DSCAM: variants seen among roughly 807,000 people sequenced by gnomAD.
DSCAM encodes DS cell adhesion molecule.
Under a neutral mutation model 217.7 loss-of-function variants are expected in DSCAM, and 47 were observed. The ratio of observed to expected loss-of-function variants is 0.22; its 90% CI spans 0.17 to 0.28. DSCAM has a LOEUF of 0.28. Ranked by LOEUF, DSCAM falls within the 10% of genes least tolerant of loss-of-function variation. The probability of loss-of-function intolerance (pLI) is 1.00; values close to 1 mark genes in which losing one functional copy is unlikely to be tolerated. For synonymous variants in DSCAM, 1,056 were observed against 1,015.3 expected (o/e 1.04, Z -0.76); for missense variants, 2,080 against 2,618.3 (o/e 0.79, Z 4.49).
chr21:40,026,190 G>A lies in DSCAM; in HGVS notation c.5687-12804C>T, dbSNP rs565484654. Among the ~76,000 whole-genome samples the A allele has an allele frequency of 2.3e-4, 33 of 141,868 alleles. 9 individuals carry two copies. In the South Asian group the frequency reaches 8.4e-3, roughly 36 times the overall value. 93.1% of individuals were successfully genotyped at this position (141,868 alleles called of 152,430 possible). On this transcript the variant is annotated intron_variant, in intron 32 of 32. Transcript: ENST00000400454. ...CATGTAGTTGAGCGATTTTGAGTGAGATTCTTAATCCTGAGATCTAGTTTG... is the reference window on the plus strand; with the variant it reads ...CATGTAGTTGAGCGATTTTGAGTGAAATTCTTAATCCTGAGATCTAGTTTG...
At chr21:40,809,378 G>A (rs62225169) in intron 1 of DSCAM, among the ~76,000 whole-genome samples, 17,620 of 152,150 alleles carry the variant, frequency 0.12, 1,748 homozygotes, top group African/African-American at 0.27. Flanking sequence ...AGCAGGGATG[G>A]GAAGTGACTT....
intron 16 of DSCAM, among the ~76,000 whole-genome samples, chr21:40,164,306 A>C (rs973995865): frequency 2.0e-5 from 3 of 152,156 alleles, no homozygotes; most frequent in Non-Finnish European, 4.4e-5. Context: ...AACTGCCTGA[A>C]CACTGACAGG....
intron 11 of DSCAM, among the ~76,000 whole-genome samples, chr21:40,194,496 C>A (rs2090986458): frequency 6.6e-6 from 1 of 152,160 alleles, no homozygotes; most frequent in African/African-American, 2.4e-5. Context: ...AGGCTGTGGG[C>A]AAACCCTGCT....
intron 31 of DSCAM, among the ~76,000 whole-genome samples, chr21:40,043,306 T>A (rs148335262): frequency 2.0e-3 from 305 of 152,290 alleles, no homozygotes; most frequent in African/African-American, 7.1e-3. Context: ...GCGTTTCAAA[T>A]GCACTAAAAA....
At chr21:40,291,778 A>C (rs567233234) in intron 10 of DSCAM, among the ~76,000 whole-genome samples, 1 of 152,280 alleles carries the variant, frequency 6.6e-6, no homozygotes, top group South Asian at 2.1e-4. Context: ...CCCCCCAGGC[A>C]TGCTCTGACT....
chr21:40,569,830 C>T (rs17835801), intron 3 of DSCAM, among the ~76,000 whole-genome samples: 338 of 152,100 alleles, frequency 2.2e-3, no homozygotes, highest in Non-Finnish European at 3.5e-3. Flanking sequence ...TGTGTTCACA[C>T]TGGATTTCAG....
intron 3 of DSCAM, among the ~76,000 whole-genome samples, chr21:40,646,732 G>A (rs1161877596): frequency 6.6e-6 from 1 of 152,190 alleles, no homozygotes; most frequent in Non-Finnish European, 1.5e-5. Context: ...ATTTCAGTGA[G>A]GCTGACTGGC....
chr21:40,744,124 G>A (rs1601201313), intron 1 of DSCAM, among the ~76,000 whole-genome samples: 1 of 152,204 alleles, frequency 6.6e-6, no homozygotes, highest in Admixed American at 6.5e-5. Flanking sequence ...AAGGTGGGAA[G>A]ATGGAATTGG....
intron 11 of DSCAM, among the ~76,000 whole-genome samples, chr21:40,229,348 T>C (rs1237026117): frequency 1.3e-5 from 2 of 152,246 alleles, no homozygotes; most frequent in Non-Finnish European, 2.9e-5. Flanking sequence ...ATGCTTTTTT[T>C]GAAAATTTTA....
At chr21:40,615,919 T>C (rs532978298) in intron 3 of DSCAM, among the ~76,000 whole-genome samples, 2 of 152,270 alleles carry the variant, frequency 1.3e-5, no homozygotes, top group East Asian at 3.9e-4. Context: ...CAAGGACTCA[T>C]GTGTGGCTGT....
chr21:40,278,433 G>A (rs1333715394), intron 10 of DSCAM, among the ~76,000 whole-genome samples: 2 of 152,118 alleles, frequency 1.3e-5, no homozygotes, highest in Non-Finnish European at 2.9e-5. Flanking sequence ...GCATGATTGT[G>A]TTTCATAACA....
At chr21:40,539,334 A>C (rs988544367) in intron 3 of DSCAM, among the ~76,000 whole-genome samples, 1 of 152,030 alleles carries the variant, frequency 6.6e-6, no homozygotes, top group Admixed American at 6.6e-5. Flanking sequence ...TCTCTACTAA[A>C]AATACAAAAA....
At position 40,080,205 on chromosome 21, in the gene DSCAM, C is replaced by A; in HGVS notation, c.4367G>T (p.Gly1456Val). 6.2e-7 allele frequency: 1 copy of A among 1,611,158 alleles called. No individual in the cohort carries two copies. Among genetic ancestry groups the A allele is most frequent in the Non-Finnish European group, 8.5e-7 (1 of 1,179,102 alleles). Residue 1456 changes from glycine (G) to valine (V), a missense_variant, in exon 25 of 33, where the codon GGA becomes GTA. Around this residue, in one of 5 missense-constraint regions of DSCAM, gnomAD observed 1,144 missense variants for 1,421.1 expected, o/e 0.81. Coordinates refer to ENST00000400454, the MANE Select transcript of DSCAM (RefSeq NM_001389.5). ...TTCACTTATGCGCCCTGGGCCCACT[C>A]CATTTTGGGCTGTCAGTGTGAACTT... Reference protein sequence around the residue: ...WYKFTLTAQNGVGPGRISEII... With the variant: ...WYKFTLTAQNVVGPGRISEII...
chr21:40,817,374 C>G (rs566819230), intron 1 of DSCAM, among the ~76,000 whole-genome samples: 1 of 152,256 alleles, frequency 6.6e-6, no homozygotes, highest in African/African-American at 2.4e-5. Context: ...GGTTATTTTC[C>G]CTTGACTGAC....
intron 30 of DSCAM, among the ~76,000 whole-genome samples, chr21:40,044,757 A>T (rs2088816267): frequency 6.6e-6 from 1 of 152,196 alleles, no homozygotes; most frequent in African/African-American, 2.4e-5. Flanking sequence ...TACAAAAAAT[A>T]ATGTTATGAC....
intron 8 of DSCAM, among the ~76,000 whole-genome samples, chr21:40,329,338 C>G (rs944309421): frequency 6.6e-6 from 1 of 151,940 alleles, no homozygotes; most frequent in Non-Finnish European, 1.5e-5. Flanking sequence ...AAAAAAGGGA[C>G]AAGTTAAAAT....
At chr21:40,772,759 G>A (rs1214925989) in intron 1 of DSCAM, among the ~76,000 whole-genome samples, 2 of 152,182 alleles carry the variant, frequency 1.3e-5, no homozygotes, top group Non-Finnish European at 2.9e-5. Flanking sequence ...TCCCTTTGTG[G>A]GTGTTACTCA....
chr21:40,551,660 A>G lies in DSCAM; in HGVS notation c.508+141150T>C, dbSNP rs533537779. Among the ~76,000 whole-genome samples, 6 of 152,328 alleles carry G rather than the reference A, an allele frequency of 3.9e-5. No homozygotes were observed. In the South Asian group the frequency reaches 1.2e-3, roughly 32 times the overall value. ...GAACCATTTCCAAAATATGGCAAGG[A>G]AAGATATTTTGGGGTAAAATATTTT... On this transcript the variant is annotated intron_variant, in intron 3 of 32. Coordinates refer to ENST00000400454, the MANE Select transcript of DSCAM (RefSeq NM_001389.5).
At chr21:40,265,983 G>T (rs752364079) in intron 11 of DSCAM, among the ~76,000 whole-genome samples, 6 of 152,032 alleles carry the variant, frequency 3.9e-5, no homozygotes, top group Admixed American at 6.6e-5. Flanking sequence ...AAAAGCAAAC[G>T]CAACAAAAGC....
Sources: allele counts gnomAD v4.1 joint callset (sites outside exome capture counted in the v4.1 genomes callset), GRCh38; gene constraint gnomAD v4.1.1; regional missense constraint gnomAD v4.1.1; transcripts MANE v1.5; gene names NCBI Gene and HGNC (gene_info 2026-07-23, HGNC 2026-07-21).